KSR1: variants seen among roughly 807,000 people sequenced by gnomAD.
KSR1 encodes the protein kinase suppressor of ras.
In KSR1, 35 loss-of-function variants were observed where a neutral mutation model predicts 92.9. That is an observed-to-expected ratio of 0.38 (90% confidence interval 0.29 to 0.50). KSR1 has a LOEUF of 0.50. Among genes scored for constraint, KSR1 ranks in the 20% least tolerant of loss-of-function variants. The probability of loss-of-function intolerance (pLI) is 0.94; values close to 1 mark genes in which losing one functional copy is unlikely to be tolerated. For missense variants in KSR1, 972 were observed against 1,158.5 expected, an observed-to-expected ratio of 0.84 and a Z score of 2.34; for synonymous variants, 467 against 472.6, an observed-to-expected ratio of 0.99 and a Z score of 0.15.
chr17:27,526,791 A>C, intron 1 of KSR1: 1 of 1,096,994 alleles, frequency 9.1e-7, no homozygotes, highest in Non-Finnish European at 1.3e-6. Flanking sequence ...GAAACAGCAA[A>C]TGATTCTTGG....
chr17:27,479,053 C>T (rs2068433206), intron 1 of KSR1, among the ~76,000 whole-genome samples: 1 of 149,696 alleles, frequency 6.7e-6, no homozygotes, highest in African/African-American at 2.5e-5. Context: ...CATCCATGCT[C>T]CTCCCTCCAT....
intron 19 of KSR1, among the ~76,000 whole-genome samples, chr17:27,619,479 C>T (rs1222756668): frequency 2.0e-5 from 3 of 151,548 alleles, no homozygotes; most frequent in Admixed American, 1.3e-4. Flanking sequence ...CTCACTGTAA[C>T]CTCCACCTCC....
At chr17:27,537,727 C>T (rs183071149) in intron 1 of KSR1, among the ~76,000 whole-genome samples, 1 of 152,212 alleles carries the variant, frequency 6.6e-6, no homozygotes, top group African/African-American at 2.4e-5. Context: ...AAATACCTAT[C>T]GGGATTCATG....
At chr17:27,555,525 TGTG>T (rs1236693652) in intron 2 of KSR1, among the ~76,000 whole-genome samples, 7 of 151,572 alleles carry the variant, frequency 4.6e-5, no homozygotes, top group Non-Finnish European at 8.8e-5. Flanking sequence ...TGTGTGTGTG[TGTG>T]TGTGTGTGTA....
In KSR1 at chr17:27,553,566, C is replaced by T. The variant is rs377542058; in HGVS notation, c.372+2858C>T. On this transcript the variant is annotated intron_variant, in intron 2 of 20. Transcript: ENST00000644974. The stretch of plus-strand genomic sequence containing the variant: ...AGTGGATGGGGAGCAGGAGGGCAGA[C>T]TGGGCTGCAGGAGCCTGCTGGAGGT... Among the ~76,000 whole-genome samples, 73 of 152,330 alleles carry T rather than the reference C, an allele frequency of 4.8e-4. No individual in the cohort carries two copies. In the South Asian group the frequency reaches 0.015, roughly 31 times the overall value.
chr17:27,494,612 G>A (rs1423118624), intron 1 of KSR1, among the ~76,000 whole-genome samples: 3 of 152,162 alleles, frequency 2.0e-5, no homozygotes, highest in Non-Finnish European at 4.4e-5. Flanking sequence ...TAGGGATTCC[G>A]GGGACAAGTA....
chr17:27,603,790 G>A (rs550782287), intron 11 of KSR1, 44 bp from the exon 12 acceptor site: 15 of 1,599,050 alleles, frequency 9.4e-6, no homozygotes, highest in Admixed American at 3.3e-5. Flanking sequence ...TTTGGGGAGA[G>A]GAAAGCAATC....
intron 1 of KSR1, among the ~76,000 whole-genome samples, chr17:27,497,886 G>A (rs550761603): frequency 7.4e-4 from 112 of 152,278 alleles, no homozygotes; most frequent in Non-Finnish European, 7.8e-4. Flanking sequence ...GTCTGGCAGA[G>A]TCAGTGCGTG....
At chr17:27,609,405 C>G (rs1210684319) in intron 16 of KSR1, 76 bp downstream of exon 16, 5 of 1,574,438 alleles carry the variant, frequency 3.2e-6, no homozygotes, top group African/African-American at 2.7e-5. Context: ...TGGGCACTTT[C>G]ACTGTTTGTT....
At chr17:27,557,647 T>C (rs1445910739) in intron 2 of KSR1, among the ~76,000 whole-genome samples, 1 of 152,204 alleles carries the variant, frequency 6.6e-6, no homozygotes, top group Non-Finnish European at 1.5e-5. Flanking sequence ...ATATGAGAAA[T>C]GACAGATTAA....
intron 1 of KSR1, among the ~76,000 whole-genome samples, chr17:27,530,781 G>A (rs2070504056): frequency 1.3e-5 from 2 of 152,218 alleles, no homozygotes; most frequent in Admixed American, 1.3e-4. Context: ...CATTTCTGCT[G>A]TGTTTTCTTT....
At chr17:27,530,521 C>T (rs961103566) in intron 1 of KSR1, among the ~76,000 whole-genome samples, 11 of 152,096 alleles carry the variant, frequency 7.2e-5, no homozygotes, top group African/African-American at 2.4e-4. Flanking sequence ...CTGGGCATGG[C>T]GGCCTGAGCA....
intron 1 of KSR1, among the ~76,000 whole-genome samples, chr17:27,538,026 C>T (rs2070814622): frequency 6.6e-6 from 1 of 152,190 alleles, no homozygotes; most frequent in African/African-American, 2.4e-5. Flanking sequence ...ATTAGCTGCT[C>T]TTCGAGATTT....
At position 27,623,221 on chromosome 17, in the gene KSR1, G is replaced by C; in HGVS notation, c.2709-93G>C. The C allele has an allele frequency of 5.7e-6, 4 of 706,918 alleles. No homozygotes were observed. In the East Asian group the frequency reaches 1.1e-4, roughly 19 times the overall value. 43.8% of individuals were successfully genotyped at this position (706,918 alleles called of 1,614,324 possible). On this transcript the variant is annotated intron_variant, in intron 20 of 20. Coordinates refer to ENST00000644974, the MANE Select transcript of KSR1 (RefSeq NM_001394583.1). ...CATTTTCATTTCTTGTTGGAGGCCA[G>C]GTCCTCTGCTGAACTCATTTCCTAG...
At chr17:27,583,962 ATAAT>A in intron 4 of KSR1, 1 of 984,436 alleles carries the variant, frequency 1.0e-6, no homozygotes, top group Non-Finnish European at 1.2e-6. Context: ...GTGTATGTCT[ATAAT>A]TAATTAAACC....
intron 1 of KSR1, among the ~76,000 whole-genome samples, chr17:27,545,889 T>G (rs1823465120): frequency 1.3e-5 from 2 of 152,154 alleles, no homozygotes; most frequent in East Asian, 1.9e-4. Flanking sequence ...CTAATCTCAA[T>G]GTTGGCCTGT....
At chr17:27,512,417 G>A (rs1184152327) in intron 1 of KSR1, among the ~76,000 whole-genome samples, 1 of 152,150 alleles carries the variant, frequency 6.6e-6, no homozygotes, top group African/African-American at 2.4e-5. Context: ...TAGGATTCAG[G>A]TTCAATCAAG....
chr17:27,501,778 C>T (rs547422988), intron 1 of KSR1, among the ~76,000 whole-genome samples: 61 of 152,344 alleles, frequency 4.0e-4, no homozygotes, highest in Admixed American at 3.5e-3. Context: ...GGATTACAGG[C>T]GTGAGCCGCT....
chr17:27,561,364 T>G (rs1022105984), intron 2 of KSR1, among the ~76,000 whole-genome samples: 1 of 152,218 alleles, frequency 6.6e-6, no homozygotes, highest in Non-Finnish European at 1.5e-5. Flanking sequence ...TCCTTTACAT[T>G]CACTCGTTAC....
Sources: gnomAD v4.1 joint callset for allele counts (sites outside exome capture counted in the v4.1 genomes callset) on GRCh38, gnomAD v4.1.1 for gene constraint, MANE v1.5 for transcripts, NCBI Gene and HGNC (gene_info 2026-07-23, HGNC 2026-07-21) for gene names.